The following SORCS1 variants were observed in gnomAD, a reference collection of about 807,000 sequenced individuals.
The protein encoded by SORCS1 is VPS10 domain-containing receptor SorCS1.
Under a neutral mutation model 146.1 loss-of-function variants are expected in SORCS1, and 60 were observed. The observed-to-expected ratio is 0.41, with a 90% confidence interval of 0.33 to 0.51. The LOEUF (loss-of-function observed/expected upper bound fraction) is 0.51, where lower values mean the gene tolerates loss of function less well. Among genes scored for constraint, SORCS1 ranks in the 20% least tolerant of loss-of-function variants. The pLI, the probability that SORCS1 is intolerant of heterozygous loss-of-function variation, is 0.21. For synonymous variants in SORCS1, 637 were observed against 584.0 expected (o/e 1.09, Z -1.31); for missense variants, 1,352 against 1,487.6 (o/e 0.91, Z 1.50).
intron 18 of SORCS1, among the ~76,000 whole-genome samples, chr10:106,634,680 T>C (rs539408361): frequency 6.6e-6 from 1 of 152,310 alleles, no homozygotes; most frequent in South Asian, 2.1e-4. Flanking sequence ...TCTTTTCCTC[T>C]CTAACGATGA....
intron 1 of SORCS1, among the ~76,000 whole-genome samples, chr10:107,082,173 T>A (rs1963379148): frequency 6.6e-6 from 1 of 152,200 alleles, no homozygotes. Flanking sequence ...AGCAAAGATT[T>A]TTCTGTCCTC....
chr10:107,092,820 C>T (rs1964284977), intron 1 of SORCS1, among the ~76,000 whole-genome samples: 1 of 148,746 alleles, frequency 6.7e-6, no homozygotes, highest in South Asian at 2.1e-4. Context: ...CCAGACAAAT[C>T]CTGAAAAGCA....
intron 1 of SORCS1, among the ~76,000 whole-genome samples, chr10:107,158,289 C>T (rs533053571): frequency 6.6e-6 from 1 of 152,240 alleles, no homozygotes; most frequent in African/African-American, 2.4e-5. Context: ...TTTTGCTTAA[C>T]TCATATTTTT....
At chr10:106,626,768 G>C (rs2133557102) in intron 19 of SORCS1, among the ~76,000 whole-genome samples, 1 of 152,310 alleles carries the variant, frequency 6.6e-6, no homozygotes, top group South Asian at 2.1e-4. Flanking sequence ...AGAATCTGCT[G>C]AAACAGTTAT....
At chr10:106,898,625 GAGA>G (rs1245495170) in intron 2 of SORCS1, among the ~76,000 whole-genome samples, 1 of 152,190 alleles carries the variant, frequency 6.6e-6, no homozygotes, top group East Asian at 1.9e-4. Flanking sequence ...ATACGCTGCT[GAGA>G]AGATGTAGGT....
chr10:106,973,692 C>T (rs1229345609), intron 1 of SORCS1, among the ~76,000 whole-genome samples: 11 of 152,238 alleles, frequency 7.2e-5, no homozygotes, highest in East Asian at 1.9e-4. Flanking sequence ...CCCCTTAAAT[C>T]GTCCAAGATT....
intron 16 of SORCS1, 95 bp from the exon 17 acceptor site, chr10:106,667,897 A>G (rs1305803882): frequency 2.9e-6 from 2 of 697,628 alleles, no homozygotes; most frequent in African/African-American, 1.9e-5. Context: ...ACACTAATCA[A>G]TTAGTCATAA....
intron 1 of SORCS1, among the ~76,000 whole-genome samples, chr10:107,148,555 AC>A (rs1330378390): frequency 6.6e-6 from 1 of 152,232 alleles, no homozygotes; most frequent in Non-Finnish European, 1.5e-5. Flanking sequence ...AAATTTGGCC[AC>A]CCCTGTGTAA....
At chr10:107,095,015 T>C (rs1301552927) in intron 1 of SORCS1, among the ~76,000 whole-genome samples, 3 of 152,194 alleles carry the variant, frequency 2.0e-5, no homozygotes, top group Non-Finnish European at 4.4e-5. Context: ...GACAGCTCTA[T>C]GCTGCTAACA....
chr10:107,146,854 T>C (rs182523691), intron 1 of SORCS1, among the ~76,000 whole-genome samples: 1 of 152,252 alleles, frequency 6.6e-6, no homozygotes, highest in East Asian at 1.9e-4. Context: ...AGAATAATGA[T>C]TGTGACTACT....
At chr10:107,059,004 G>C (rs1326464492) in intron 1 of SORCS1, among the ~76,000 whole-genome samples, 1 of 152,156 alleles carries the variant, frequency 6.6e-6, no homozygotes, top group Admixed American at 6.5e-5. Flanking sequence ...TTTTTATCAC[G>C]TGCTAAAACT....
chr10:106,700,927 T>C (rs1195797660), intron 8 of SORCS1, among the ~76,000 whole-genome samples: 1 of 152,218 alleles, frequency 6.6e-6, no homozygotes, highest in Non-Finnish European at 1.5e-5. Context: ...TTCTATCTGT[T>C]GAATGTCTAT....
chr10:107,171,744 T>A, the SORCS1 span, among the ~76,000 whole-genome samples: 2 of 152,084 alleles, frequency 1.3e-5, no homozygotes, highest in African/African-American at 4.8e-5. Flanking sequence ...ATGATCCACC[T>A]GCCTTGGCCT....
chr10:106,781,778 C>T lies in SORCS1; in HGVS notation c.727-5086G>A, dbSNP rs545825760. Among the ~76,000 whole-genome samples the T allele has an allele frequency of 1.1e-4, 17 of 152,114 alleles. No homozygotes were observed. The East Asian group carries it at 3.1e-3, about 28-fold the overall frequency. On this transcript the variant is annotated intron_variant, in intron 3 of 25. Coordinates refer to ENST00000263054, the MANE Select transcript of SORCS1 (RefSeq NM_052918.5). ...AGCTGAGGGAAAGAGCAATTAAGTGCTTATCAATTGGCAACTATTTGGAGG... is the reference window on the plus strand; with the variant it reads ...AGCTGAGGGAAAGAGCAATTAAGTGTTTATCAATTGGCAACTATTTGGAGG...
intron 3 of SORCS1, among the ~76,000 whole-genome samples, chr10:106,798,919 C>T (rs1677472012): frequency 6.6e-6 from 1 of 152,142 alleles, no homozygotes; most frequent in African/African-American, 2.4e-5. Flanking sequence ...CCCGCATTGC[C>T]AAGACAATCC....
chr10:106,882,483 C>T (rs1950843810), intron 2 of SORCS1, among the ~76,000 whole-genome samples: 2 of 152,098 alleles, frequency 1.3e-5, no homozygotes, highest in South Asian at 4.1e-4. Flanking sequence ...TTTCAACTCT[C>T]CCATTAGAGC....
intron 2 of SORCS1, among the ~76,000 whole-genome samples, chr10:106,832,841 G>A (rs1437164565): frequency 6.6e-6 from 1 of 152,058 alleles, no homozygotes; most frequent in African/African-American, 2.4e-5. Flanking sequence ...AAAAAAGTAG[G>A]AACTAGTCTA....
chr10:106,870,239 A>G (rs546949485), intron 2 of SORCS1, among the ~76,000 whole-genome samples: 1 of 152,368 alleles, frequency 6.6e-6, no homozygotes, highest in African/African-American at 2.4e-5. Context: ...GATAGGAAGA[A>G]TCAACATCTT....
chr10:107,072,575 AT>A (rs1203911543), intron 1 of SORCS1, among the ~76,000 whole-genome samples: 5 of 152,054 alleles, frequency 3.3e-5, no homozygotes, highest in Admixed American at 3.3e-4. Context: ...ATATCTTCAT[AT>A]ACTTACATAT....
Sources: allele counts gnomAD v4.1 joint callset (sites outside exome capture counted in the v4.1 genomes callset), GRCh38; gene constraint gnomAD v4.1.1; transcripts MANE v1.5; gene names NCBI Gene and HGNC (gene_info 2026-07-23, HGNC 2026-07-21).